Variants in RNF216 observed in about 807,000 individuals in gnomAD.
RNF216 encodes the protein E3 ubiquitin-protein ligase RNF216.
In RNF216, 72 loss-of-function variants were observed where a neutral mutation model predicts 110.8. The ratio of observed to expected loss-of-function variants is 0.65; its 90% confidence interval spans 0.54 to 0.79. The LOEUF (loss-of-function observed/expected upper bound fraction) is 0.79, where lower values mean the gene tolerates loss of function less well. Ranked by LOEUF, RNF216 falls within the 30% of genes least tolerant of loss-of-function variation. RNF216 has a pLI of 0.00. For synonymous variants in RNF216, 495 were observed against 407.5 expected (o/e 1.21, Z -2.59); for missense variants, 1,342 against 1,141.2 (o/e 1.18, Z -2.54).
At chr7:5,661,834 A>G (rs568684526) in intron 13 of RNF216, among the ~76,000 whole-genome samples, 1 of 152,282 alleles carries the variant, frequency 6.6e-6, no homozygotes, top group South Asian at 2.1e-4. Context: ...GGTAAGAGAA[A>G]AAGAAGGCTC....
chr7:5,635,078 C>T (rs852378), intron 15 of RNF216, among the ~76,000 whole-genome samples: 7,742 of 152,240 alleles, frequency 0.051, 240 homozygotes, highest in African/African-American at 0.076. Flanking sequence ...ACATCCTGGT[C>T]TCACCAAGCT....
At chr7:5,672,918 G>A (rs1167492995) in intron 13 of RNF216, among the ~76,000 whole-genome samples, 1 of 152,156 alleles carries the variant, frequency 6.6e-6, no homozygotes, top group African/African-American at 2.4e-5. Context: ...TGACCAAGGG[G>A]GATGTCTTGA....
chr7:5,686,195 C>A (rs1357404436), intron 13 of RNF216, among the ~76,000 whole-genome samples: 1 of 148,432 alleles, frequency 6.7e-6, no homozygotes, highest in Non-Finnish European at 1.5e-5. Context: ...TGCACTCCAG[C>A]CTGGGTTGAC....
chr7:5,642,212 G>GTTTT, intron 14 of RNF216, among the ~76,000 whole-genome samples: 1 of 149,464 alleles, frequency 6.7e-6, no homozygotes, highest in African/African-American at 2.5e-5. Flanking sequence ...TCAAGGTTCT[G>GTTTT]TTTTGTTTTT....
chr7:5,734,593 T>A (rs1373458404), intron 5 of RNF216, among the ~76,000 whole-genome samples: 1 of 147,868 alleles, frequency 6.8e-6, no homozygotes, highest in Non-Finnish European at 1.5e-5. Context: ...GGCATGTAAA[T>A]AACCAAATGG....
At chr7:5,780,348 T>C (rs906668118) in intron 1 of RNF216, 10 of 152,126 alleles carry the variant, frequency 6.6e-5, no homozygotes, top group Admixed American at 1.3e-4. Context: ...ACAGTGCTTC[T>C]TCTGTAGGTG....
intron 1 of RNF216, among the ~76,000 whole-genome samples, chr7:5,771,662 A>G (rs1796500124): frequency 6.6e-6 from 1 of 152,030 alleles, no homozygotes; most frequent in South Asian, 2.1e-4. Context: ...AGCCAGGCGC[A>G]GTAGCGGGCA....
At chr7:5,676,475 C>A (rs1029585933) in intron 13 of RNF216, among the ~76,000 whole-genome samples, 9 of 152,202 alleles carry the variant, frequency 5.9e-5, no homozygotes, top group Non-Finnish European at 1.0e-4. Context: ...CGCTGGGGAA[C>A]CCCACCGAGC....
At chr7:5,706,747 T>C (rs760687491) in intron 13 of RNF216, among the ~76,000 whole-genome samples, 1 of 152,272 alleles carries the variant, frequency 6.6e-6, no homozygotes, top group Non-Finnish European at 1.5e-5. Context: ...TTCACTCTGT[T>C]GATGGTTTCC....
chr7:5,718,798 C>T (rs540128784), intron 9 of RNF216, among the ~76,000 whole-genome samples: 88 of 152,198 alleles, frequency 5.8e-4, no homozygotes, highest in Admixed American at 9.2e-4. Context: ...CTGCCCACCT[C>T]GGCCTTCCAA....
intron 13 of RNF216, among the ~76,000 whole-genome samples, chr7:5,711,244 C>T (rs757203696): frequency 2.2e-4 from 34 of 152,246 alleles, no homozygotes; most frequent in Non-Finnish European, 3.5e-4. Context: ...TGCACCTAGA[C>T]AGCTCTGCTC....
rs561153673 is a variant in RNF216, at chr7:5,696,661, G to A, written c.2061+15100C>T. On this transcript the variant is annotated intron_variant, in intron 13 of 16. Coordinates refer to ENST00000389902, the MANE Select transcript of RNF216 (RefSeq NM_207111.4). This position sits in a 1 kb window ranked among gnomAD's most constrained non-coding sequence, Gnocchi z 5.4. ...TCCTCGCTTTTGACTACTGCCCCAC[G>A]TCTCCCCTCTTGCCCCCAACCTGCC... 1.3e-5 allele frequency among the ~76,000 whole-genome samples: 2 copies of A among 152,174 alleles called. No homozygotes were observed. The highest frequency in any genetic ancestry group is 2.1e-4 in the South Asian group (1 of 4,818).
chr7:5,737,543 TAA>T (rs1562446059), intron 5 of RNF216, among the ~76,000 whole-genome samples: 2 of 94,308 alleles, frequency 2.1e-5, no homozygotes, highest in African/African-American at 7.3e-5. Context: ...ATAATAATAA[TAA>T]TAAATAAATA....
intron 13 of RNF216, among the ~76,000 whole-genome samples, chr7:5,657,642 T>C (rs1255753677): frequency 1.3e-5 from 2 of 152,108 alleles, no homozygotes; most frequent in Admixed American, 6.5e-5. Flanking sequence ...CCCACACACT[T>C]GACTATTCGC....
rs755420957 is a variant in RNF216 at position 5,761,057 on chromosome 7, T to C, written c.13A>G (p.Asn5Asp). The change falls in exon 2 of 17, where the codon AAC (asparagine) becomes GAC (aspartate). Residue 5 changes from asparagine to aspartate, a missense_variant. By Grantham distance (23) the Asn-to-Asp change is conservative. Transcript: ENST00000389902. MEEG[N>D]NNEEVIHLNN... is the part of the protein sequence containing the mutation. The stretch of plus-strand genomic sequence containing the variant: ...AAGTGAATTACCTCTTCATTGTTGT[T>C]TCCCTCTTCCATTTTCAAATGCAGA... 22 of 1,579,712 alleles carry C rather than the reference T, an allele frequency of 1.4e-5. No homozygotes were observed. The highest frequency in any genetic ancestry group is 2.8e-5 in the African/African-American group (2 of 72,544).
In RNF216 at chr7:5,663,847, G is replaced by A. The variant is rs557691351; in HGVS notation, c.2062-11337C>T. 1.1e-4 allele frequency among the ~76,000 whole-genome samples: 16 copies of A among 152,168 alleles called. No individual in the cohort carries two copies. In the South Asian group the frequency reaches 3.1e-3, roughly 30 times the overall value. On this transcript the variant is annotated intron_variant, in intron 13 of 16. Coordinates refer to ENST00000389902, the MANE Select transcript of RNF216 (RefSeq NM_207111.4). ...CAGAAGGCAGAGGGTGCAATGAGCC[G>A]AGATCCTGCCACTGTACTCCAGCCT...
intron 14 of RNF216, among the ~76,000 whole-genome samples, chr7:5,644,315 A>AT (rs543555001): frequency 2.6e-4 from 39 of 152,038 alleles, no homozygotes; most frequent in Admixed American, 4.6e-4. Context: ...TACTGGTGTC[A>AT]TTTTTTCTAT....
intron 13 of RNF216, among the ~76,000 whole-genome samples, chr7:5,707,637 T>C (rs1409820423): frequency 3.9e-5 from 6 of 151,984 alleles, no homozygotes; most frequent in Non-Finnish European, 5.9e-5. Flanking sequence ...TCCAGTGTTA[T>C]ATAGCATGGA....
At chr7:5,699,653 G>A (rs1362737595) in intron 13 of RNF216, among the ~76,000 whole-genome samples, 2 of 152,214 alleles carry the variant, frequency 1.3e-5, no homozygotes, top group Non-Finnish European at 2.9e-5. Flanking sequence ...TACAGAAACA[G>A]AGCACGAACT....
Sources: gnomAD v4.1 joint callset for allele counts (sites outside exome capture counted in the v4.1 genomes callset) on GRCh38, gnomAD v4.1.1 for gene constraint, Gnocchi (gnomAD v3.1) non-coding constraint, MANE v1.5 for transcripts, NCBI Gene and HGNC (gene_info 2026-07-23, HGNC 2026-07-21) for gene names.